The following MKLN1 variants were observed in gnomAD, a reference collection of about 807,000 sequenced individuals.
MKLN1 encodes the protein muskelin 1.
A neutral mutation model predicts 99.0 loss-of-function variants in MKLN1; 18 were observed. That is an observed-to-expected ratio of 0.18 (90% CI 0.13 to 0.27). MKLN1 has a LOEUF of 0.27. Among genes scored for constraint, MKLN1 ranks in the 10% least tolerant of loss-of-function variants. The pLI is 1.00. For missense variants in MKLN1, 621 were observed against 875.9 expected (o/e 0.71, Z 3.67); for synonymous variants, 288 against 293.2 (o/e 0.98, Z 0.18).
intron 2 of MKLN1, among the ~76,000 whole-genome samples, chr7:131,199,860 AT>A (rs1244989298): frequency 3.3e-5 from 5 of 152,186 alleles, no homozygotes; most frequent in African/African-American, 1.2e-4. Flanking sequence ...TGCCCAGCTA[AT>A]TTTTTAAATA....
At chr7:131,131,033 C>G (rs1449286249) in intron 1 of MKLN1, among the ~76,000 whole-genome samples, 1 of 99,836 alleles carries the variant, frequency 1.0e-5, no homozygotes, top group Non-Finnish European at 1.8e-5. Flanking sequence ...GCCTGGGCAA[C>G]AGAGGGAGAC....
At chr7:131,402,759 ATAT>A (rs1405497875) in intron 6 of MKLN1, among the ~76,000 whole-genome samples, 1 of 152,192 alleles carries the variant, frequency 6.6e-6, no homozygotes, top group Non-Finnish European at 1.5e-5. Context: ...GTGAGCAGTA[ATAT>A]TTTGAAAGAA....
chr7:131,230,325 G>A (rs912431588), intron 3 of MKLN1, among the ~76,000 whole-genome samples: 1 of 152,044 alleles, frequency 6.6e-6, no homozygotes, highest in African/African-American at 2.4e-5. Context: ...GGATTTTCTG[G>A]GGCCCCCTTG....
intron 3 of MKLN1, among the ~76,000 whole-genome samples, chr7:131,277,729 A>G (rs1797995241): frequency 6.6e-6 from 1 of 152,136 alleles, no homozygotes; most frequent in Non-Finnish European, 1.5e-5. Flanking sequence ...TGTGCATTTC[A>G]AAACGGCTAG....
At chr7:131,198,545 G>A (rs1796681996) in intron 2 of MKLN1, among the ~76,000 whole-genome samples, 1 of 128,192 alleles carries the variant, frequency 7.8e-6, no homozygotes, top group Non-Finnish European at 1.6e-5. Context: ...AAGATAGTGT[G>A]TCCTGTGAAA....
At chr7:131,297,241 G>T (rs1798303943) in intron 3 of MKLN1, among the ~76,000 whole-genome samples, 1 of 152,000 alleles carries the variant, frequency 6.6e-6, no homozygotes, top group South Asian at 2.1e-4. Flanking sequence ...TGCGCCTGTA[G>T]TTCCCGCTAC....
rs555201177 is a variant in MKLN1, at chr7:131,128,219, A to C, written c.-418-14601A>C. Among the ~76,000 whole-genome samples the C allele has an allele frequency of 1.1e-4, 15 of 131,048 alleles. No individual in the cohort carries two copies. The South Asian group carries it at 1.2e-3, about 11-fold the overall frequency. The allele number at this position is 131,048 out of a possible 152,430, so 86.0% of individuals were successfully genotyped here. On this transcript the variant is annotated intron_variant, in intron 1 of 7. Transcript: ENST00000416992. ...CGCCTCTGATTCAAAAAAAAAAAAA[A>C]AACAACAAACAAAAAATGGAAAAAC...
intron 1 of MKLN1, among the ~76,000 whole-genome samples, chr7:131,130,546 T>C (rs1174353477): frequency 6.6e-6 from 1 of 152,216 alleles, no homozygotes; most frequent in African/African-American, 2.4e-5. Flanking sequence ...CAAGATCCTC[T>C]AGCTGGTTTA....
At chr7:131,189,802 A>C (rs1157352765) in intron 2 of MKLN1, among the ~76,000 whole-genome samples, 1 of 152,214 alleles carries the variant, frequency 6.6e-6, no homozygotes, top group Non-Finnish European at 1.5e-5. Flanking sequence ...AATATCTTTC[A>C]ACTTAGATAT....
chr7:131,477,521 T>TA (rs1357668475), intron 16 of MKLN1, among the ~76,000 whole-genome samples: 1 of 151,912 alleles, frequency 6.6e-6, no homozygotes, highest in Admixed American at 6.6e-5. Context: ...AATAAATAAA[T>TA]AGACAAGCCA....
intron 1 of MKLN1, among the ~76,000 whole-genome samples, chr7:131,125,613 G>T (rs182841172): frequency 6.6e-6 from 1 of 152,312 alleles, no homozygotes; most frequent in Admixed American, 6.5e-5. Context: ...GCTCACACCT[G>T]TAATCCCAAC....
chr7:131,242,323 G>A (rs1358063486), intron 3 of MKLN1, among the ~76,000 whole-genome samples: 1 of 152,106 alleles, frequency 6.6e-6, no homozygotes, highest in Non-Finnish European at 1.5e-5. Context: ...ATCACTTGAG[G>A]CCAGGCATTT....
chr7:131,461,574 A>G (rs930601543), intron 12 of MKLN1, among the ~76,000 whole-genome samples: 2 of 152,214 alleles, frequency 1.3e-5, no homozygotes, highest in Admixed American at 1.3e-4. Context: ...AAGGTAGACT[A>G]GGAAAAAATA....
intron 6 of MKLN1, among the ~76,000 whole-genome samples, chr7:131,402,049 A>G (rs1446477431): frequency 6.6e-6 from 1 of 152,172 alleles, no homozygotes; most frequent in Non-Finnish European, 1.5e-5. Context: ...TCCTTTCACA[A>G]AAGATTTATC....
In MKLN1 at chr7:131,378,241, A is replaced by G. The variant is rs183307411; in HGVS notation, c.168+2748A>G. The stretch of plus-strand genomic sequence containing the variant: ...ATTCTCCTGCCTCAGCCTCCCGAGT[A>G]GCTGGGATTATAGGCGTGCACCACC... On this transcript the variant is annotated intron_variant, in intron 2 of 17. Coordinates refer to ENST00000352689, the MANE Select transcript of MKLN1 (RefSeq NM_013255.5). 1.4e-4 allele frequency among the ~76,000 whole-genome samples: 22 copies of G among 152,242 alleles called. No individual in the cohort carries two copies. The East Asian group carries it at 4.3e-3, about 29-fold the overall frequency.
intron 12 of MKLN1, among the ~76,000 whole-genome samples, chr7:131,456,885 A>T (rs986652375): frequency 6.6e-6 from 1 of 152,004 alleles, no homozygotes; most frequent in African/African-American, 2.4e-5. Context: ...CCTGAAAAAC[A>T]TTACCTTGCA....
chr7:131,165,288 C>T (rs538080751), intron 2 of MKLN1, among the ~76,000 whole-genome samples: 1 of 152,228 alleles, frequency 6.6e-6, no homozygotes, highest in Admixed American at 6.5e-5. Flanking sequence ...CAGGTTCAAG[C>T]GATTTTCCTG....
intron 1 of MKLN1, among the ~76,000 whole-genome samples, chr7:131,355,628 CTATATA>C (rs58377694): frequency 0.38 from 52,232 of 136,844 alleles, 9,851 homozygotes; most frequent in East Asian, 0.51. Flanking sequence ...TAACTTGATA[CTATATA>C]TATATATATA....
At chr7:131,478,154 A>G (rs904869465) in intron 16 of MKLN1, among the ~76,000 whole-genome samples, 2 of 152,222 alleles carry the variant, frequency 1.3e-5, no homozygotes, top group African/African-American at 2.4e-5. Flanking sequence ...GGAATGGTCT[A>G]TACATGCTTT....
Sources: gnomAD v4.1 joint callset for allele counts (sites outside exome capture counted in the v4.1 genomes callset) on GRCh38, gnomAD v4.1.1 for gene constraint, MANE v1.5 for transcripts, NCBI Gene and HGNC (gene_info 2026-07-23, HGNC 2026-07-21) for gene names.